UPF2: variants seen among roughly 807,000 people sequenced by gnomAD.
The protein encoded by UPF2 is regulator of nonsense transcripts 2.
Under a neutral mutation model 141.4 loss-of-function variants are expected in UPF2, and 17 were observed. The ratio of observed to expected loss-of-function variants is 0.12; its 90% CI spans 0.08 to 0.18. UPF2 has a LOEUF of 0.18. Ranked by LOEUF, UPF2 falls within the 10% of genes least tolerant of loss-of-function variation. The pLI is 1.00. For missense variants in UPF2, 1,152 were observed against 1,515.9 expected (o/e 0.76, Z 3.99); for synonymous variants, 540 against 498.0 (o/e 1.08, Z -1.12).
chr10:11,997,200 A>G (rs73573539), intron 8 of UPF2, among the ~76,000 whole-genome samples: 331 of 152,306 alleles, frequency 2.2e-3, no homozygotes, highest in African/African-American at 7.6e-3. Flanking sequence ...ATGATTTCCA[A>G]TTCTATCCAA....
intron 8 of UPF2, among the ~76,000 whole-genome samples, chr10:11,985,566 G>A (rs180804489): frequency 4.6e-4 from 69 of 151,326 alleles, no homozygotes; most frequent in Non-Finnish European, 8.1e-4. Flanking sequence ...GAACCCGGGA[G>A]GCGGAGCTTG....
chr10:12,039,917 G>T (rs1834705673), intron 1 of UPF2, among the ~76,000 whole-genome samples: 1 of 151,958 alleles, frequency 6.6e-6, no homozygotes, highest in Non-Finnish European at 1.5e-5. Context: ...CACTGTGGCT[G>T]GCAGCATGTC....
At chr10:11,949,926 T>A (rs1311397155) in intron 15 of UPF2, among the ~76,000 whole-genome samples, 1 of 152,136 alleles carries the variant, frequency 6.6e-6, no homozygotes, top group Non-Finnish European at 1.5e-5. Flanking sequence ...TTAAGTAAAT[T>A]ATGGCACATA....
At chr10:12,024,961 A>C in intron 3 of UPF2, among the ~76,000 whole-genome samples, 1 of 143,234 alleles carries the variant, frequency 7.0e-6, no homozygotes, top group South Asian at 2.3e-4. Context: ...AAAAAAACAC[A>C]GCTACTGGAT....
At chr10:11,938,871 T>TG (rs1564337894) in intron 18 of UPF2, among the ~76,000 whole-genome samples, 4 of 107,562 alleles carry the variant, frequency 3.7e-5, no homozygotes, top group East Asian at 7.7e-4. Context: ...TTTTTTTTTT[T>TG]TTTTTTTTTT....
At chr10:12,032,372 A>G (rs1417163924) in intron 2 of UPF2, among the ~76,000 whole-genome samples, 2 of 152,236 alleles carry the variant, frequency 1.3e-5, no homozygotes, top group East Asian at 3.9e-4. Context: ...GCTGCATTGA[A>G]AACACTTATA....
At chr10:12,011,113 C>G (rs1050626024) in intron 4 of UPF2, among the ~76,000 whole-genome samples, 1 of 152,162 alleles carries the variant, frequency 6.6e-6, no homozygotes, top group Non-Finnish European at 1.5e-5. Flanking sequence ...TCCCAAGTAG[C>G]TAGGACTACA....
chr10:11,990,585 C>T (rs1588556304), intron 8 of UPF2, among the ~76,000 whole-genome samples: 1 of 149,258 alleles, frequency 6.7e-6, no homozygotes, highest in Non-Finnish European at 1.5e-5. Flanking sequence ...GAGGCTGAGG[C>T]AGGAGAATAG....
At chr10:12,038,212 A>C (rs572972376) in intron 1 of UPF2, among the ~76,000 whole-genome samples, 4 of 150,706 alleles carry the variant, frequency 2.7e-5, no homozygotes, top group African/African-American at 2.4e-5. Flanking sequence ...GTGAAACCCC[A>C]TCTCTACTGA....
At chr10:11,960,900 C>G (rs1833229491) in intron 11 of UPF2, among the ~76,000 whole-genome samples, 1 of 151,762 alleles carries the variant, frequency 6.6e-6, no homozygotes, top group African/African-American at 2.4e-5. Flanking sequence ...GAGAGCAGTC[C>G]TAGCAACGTA....
chr10:11,938,865 T>TTG (rs1832894777), intron 18 of UPF2, among the ~76,000 whole-genome samples: 3 of 87,418 alleles, frequency 3.4e-5, no homozygotes, highest in South Asian at 7.9e-4. Context: ...TTTTTTTTTT[T>TTG]TTTTTTTTTT....
intron 8 of UPF2, among the ~76,000 whole-genome samples, chr10:11,990,496 T>G (rs1588556206): frequency 6.6e-6 from 1 of 152,026 alleles, no homozygotes; most frequent in African/African-American, 2.4e-5. Context: ...CTAGCTAACA[T>G]GGTGAAACCC....
At chr10:12,033,072 G>T (rs548300029) in intron 2 of UPF2, among the ~76,000 whole-genome samples, 30 of 152,260 alleles carry the variant, frequency 2.0e-4, no homozygotes, top group African/African-American at 7.2e-4. Context: ...GGCTGTTCTA[G>T]AGATCTATAC....
intron 2 of UPF2, among the ~76,000 whole-genome samples, chr10:12,032,182 T>C (rs924910186): frequency 6.6e-6 from 1 of 151,778 alleles, no homozygotes; most frequent in African/African-American, 2.4e-5. Context: ...TAATCCCAGC[T>C]ACTCGGGAGG....
chr10:11,951,902 A>C, intron 15 of UPF2, 164 bp downstream of exon 15: 1 of 631,220 alleles, frequency 1.6e-6, no homozygotes, highest in Non-Finnish European at 2.6e-6. Flanking sequence ...TACTTAGTGA[A>C]ATCAAGCACA....
intron 9 of UPF2, among the ~76,000 whole-genome samples, chr10:11,969,297 G>A (rs1294678122): frequency 6.6e-6 from 1 of 151,582 alleles, no homozygotes; most frequent in African/African-American, 2.4e-5. Context: ...AGCCTCCCGA[G>A]TACCTGGGAT....
At chr10:11,938,318 G>A (rs1199809399) in intron 18 of UPF2, among the ~76,000 whole-genome samples, 2 of 151,038 alleles carry the variant, frequency 1.3e-5, no homozygotes, top group African/African-American at 4.9e-5. Context: ...TTTTTTAAAT[G>A]ATCCTTCCCA....
At chr10:11,954,583 G>C (rs1001713865) in intron 14 of UPF2, among the ~76,000 whole-genome samples, 2 of 149,668 alleles carry the variant, frequency 1.3e-5, no homozygotes, top group African/African-American at 4.9e-5. Flanking sequence ...GCAGTGAGCT[G>C]AGATTGCACC....
intron 3 of UPF2, among the ~76,000 whole-genome samples, chr10:12,021,473 G>C (rs1027023587): frequency 8.6e-5 from 13 of 152,010 alleles, no homozygotes; most frequent in Admixed American, 2.0e-4. Context: ...AGTGAGCTAT[G>C]ACTGCACCAT....
Sources: allele counts gnomAD v4.1 joint callset (sites outside exome capture counted in the v4.1 genomes callset), GRCh38; gene constraint gnomAD v4.1.1; transcripts MANE v1.5; gene names NCBI Gene and HGNC (gene_info 2026-07-23, HGNC 2026-07-21).